The following LIPN variants were observed in gnomAD, a reference collection of about 807,000 sequenced individuals.
The protein encoded by LIPN is lipase member N.
In LIPN, 32 loss-of-function variants were observed where a neutral mutation model predicts 43.7. That is an observed-to-expected ratio of 0.73 (90% CI 0.55 to 0.98). The LOEUF (loss-of-function observed/expected upper bound fraction) is 0.98, where lower values mean the gene tolerates loss of function less well. LIPN is among the 50% of genes least tolerant of loss of function. The pLI is 0.00. For missense variants in LIPN, 505 were observed against 483.8 expected (o/e 1.04, Z -0.41); for synonymous variants, 156 against 157.6 (o/e 0.99, Z 0.08).
Position 88,762,279 on chromosome 10 carries a change from A to G in LIPN, c.200A>G (p.Tyr67Cys). The change falls in exon 3 of 10, where the codon TAT (tyrosine) becomes TGT (cysteine). Residue 67 changes from tyrosine (Y) to cysteine (C), a missense_variant. By Grantham distance (194) the Tyr-to-Cys change is radical (BLOSUM62 -2). Coordinates refer to ENST00000404459, the MANE Select transcript of LIPN (RefSeq NM_001102469.2). The part of the protein sequence containing the change: ...GYILLVNRIP[Y>C]GRTHARSTGP... ...ATACTCCTTGTCAACAGAATTCCTT[A>G]TGGGCGAACACATGCTAGGAGCACA... is the stretch of plus-strand genomic sequence containing the variant. The G allele has an allele frequency of 5.0e-6, 8 of 1,606,932 alleles. No individual in the cohort carries two copies. Among genetic ancestry groups the G allele is most frequent in the Non-Finnish European group, 6.0e-6 (7 of 1,175,982 alleles).
rs1446868006 is a variant in LIPN at position 88,762,246 on chromosome 10, A to T, written c.167A>T (p.Asp56Val). ...GAAGAGTATGAAGTCACCACTGAAG[A>T]TGGGTATATACTCCTTGTCAACAGA... ...PSEEYEVTTE[D>V]GYILLVNRIP... is the part of the protein sequence containing the mutation. Residue 56 changes from aspartate to valine, a missense_variant, in exon 3 of 10, where the codon GAT becomes GTT. Coordinates refer to ENST00000404459, the MANE Select transcript of LIPN (RefSeq NM_001102469.2). The T allele has an allele frequency of 6.2e-7, 1 of 1,609,938 alleles. No homozygotes were observed. The highest frequency in any genetic ancestry group is 1.3e-5 in the African/African-American group (1 of 74,918).
chr10:88,775,237 A>G, intron 9 of LIPN, 74 bp downstream of exon 9: 1 of 1,025,386 alleles, frequency 9.8e-7, no homozygotes, highest in Non-Finnish European at 1.4e-6. Context: ...GGGTGGAAAG[A>G]CTCCTACCTG....
chr10:88,764,706 T>C, intron 4 of LIPN, 98 bp downstream of exon 4: 1 of 818,728 alleles, frequency 1.2e-6, no homozygotes, highest in Non-Finnish European at 1.8e-6. Flanking sequence ...CTTGAAGTCA[T>C]ATAGCTCCTT....
chr10:88,775,894 G>A (rs1308377476), intron 9 of LIPN, among the ~76,000 whole-genome samples: 1 of 151,916 alleles, frequency 6.6e-6, no homozygotes, highest in Admixed American at 6.6e-5. Flanking sequence ...TTGTTTCTGA[G>A]GATCAAAACA....
chr10:88,776,434 T>C (rs1267137281), intron 9 of LIPN, among the ~76,000 whole-genome samples: 2 of 152,082 alleles, frequency 1.3e-5, no homozygotes, highest in Admixed American at 6.6e-5. Flanking sequence ...ATCATTATGG[T>C]CAAGTACTAA....
chr10:88,762,164 A>G, intron 2 of LIPN, 24 bp from the exon 3 acceptor site: 1 of 1,264,966 alleles, frequency 7.9e-7, no homozygotes, highest in Non-Finnish European at 1.1e-6. Flanking sequence ...AAGTTCCACT[A>G]ACGACTGTAT....
At chr10:88,763,112 T>C (rs542459655) in intron 3 of LIPN, among the ~76,000 whole-genome samples, 16 of 152,152 alleles carry the variant, frequency 1.1e-4, no homozygotes, top group South Asian at 4.2e-4. Context: ...CCCTCTTTTA[T>C]CTCCAGTTTC....
chr10:88,761,779 T>C (rs12268129), intron 2 of LIPN, among the ~76,000 whole-genome samples: 2,631 of 145,000 alleles, frequency 0.018, 41 homozygotes, highest in Middle Eastern at 0.049. Flanking sequence ...ATCTATCTAT[T>C]TATCTATCTA....
intron 6 of LIPN, chr10:88,769,526 T>TC: frequency 2.1e-6 from 2 of 957,608 alleles, no homozygotes; most frequent in Non-Finnish European, 2.5e-6. Context: ...TTTTTTTTTT[T>TC]TCTCTTTGCT....
upstream of LIPN, among the ~76,000 whole-genome samples, chr10:88,759,215 T>G (rs962636): frequency 0.54 from 82,723 of 151,986 alleles, 23,202 homozygotes; most frequent in African/African-American, 0.67. Context: ...AATATCATTT[T>G]TTTTGAAAGG....
chr10:88,776,221 G>GA (rs563153675), intron 9 of LIPN, among the ~76,000 whole-genome samples: 38 of 148,022 alleles, frequency 2.6e-4, no homozygotes, highest in African/African-American at 5.7e-4. Flanking sequence ...AAAAGGTCTA[G>GA]AAAAAAAAAC....
At chr10:88,763,087 T>C (rs1341227147) in intron 3 of LIPN, among the ~76,000 whole-genome samples, 1 of 152,086 alleles carries the variant, frequency 6.6e-6, no homozygotes, top group African/African-American at 2.4e-5. Context: ...GCTGAGGTCA[T>C]GTTTGACATT....
At chr10:88,773,571 T>C (rs905939425) in intron 7 of LIPN, among the ~76,000 whole-genome samples, 1 of 151,768 alleles carries the variant, frequency 6.6e-6, no homozygotes, top group South Asian at 2.1e-4. Context: ...CTCTTCATTT[T>C]CTGTTATTGA....
intron 5 of LIPN, among the ~76,000 whole-genome samples, chr10:88,768,061 C>CAT (rs1332641820): frequency 8.7e-6 from 1 of 115,124 alleles, no homozygotes; most frequent in Non-Finnish European, 1.9e-5. Flanking sequence ...CACACACACA[C>CAT]ATGCCAGTGG....
intron 9 of LIPN, among the ~76,000 whole-genome samples, chr10:88,775,511 G>A (rs1387379314): frequency 6.6e-6 from 1 of 151,484 alleles, no homozygotes; most frequent in East Asian, 1.9e-4. Flanking sequence ...TATAACTGAG[G>A]GATTTTTAAA....
intron 3 of LIPN, 119 bp from the exon 4 acceptor site, chr10:88,764,291 G>C (rs925226119): frequency 1.1e-5 from 8 of 704,466 alleles, no homozygotes; most frequent in Non-Finnish European, 1.9e-5. Flanking sequence ...TTTACCATGT[G>C]TGTATGTGTG....
In LIPN at chr10:88,774,357, C is replaced by T. The variant is rs1035003830; in HGVS notation, c.820-116C>T. On this transcript the variant is annotated intron_variant, in intron 7 of 9. Coordinates refer to ENST00000404459, the MANE Select transcript of LIPN (RefSeq NM_001102469.2). ...GGTATATTTATCTAGATAATTCTAC[C>T]TTGTTATTTTCAAAGCCCCAGTCTT... is the stretch of plus-strand genomic sequence containing the variant. 10 of 639,242 alleles carry T rather than the reference C, an allele frequency of 1.6e-5. No individual in the cohort carries two copies. In the African/African-American group the frequency reaches 1.8e-4, roughly 12 times the overall value. The allele number at this position is 639,242 out of a possible 1,614,324, so 39.6% of individuals were successfully genotyped here. A position where few individuals can be genotyped will look rare whatever the true frequency, so the allele number is the denominator to read the frequency against.
rs1843057390 is a variant in LIPN at position 88,764,512 on chromosome 10, C to T, written c.329C>T (p.Ala110Val). 6.2e-7 allele frequency: 1 copy of T among 1,612,078 alleles called. No individual in the cohort carries two copies. The highest frequency in any genetic ancestry group is 8.5e-7 in the Non-Finnish European group (1 of 1,178,828). Residue 110 changes from alanine (A) to valine (V), a missense_variant, in exon 4 of 10, where the codon GCA (alanine) becomes GTA (valine). By Grantham distance (64) the Ala-to-Val change is moderately conservative (BLOSUM62 0). Transcript: ENST00000404459. ...AGCCTTGGATTCCTTCTAGCAGATG[C>T]AGGTTATGATGTATGGATGGGAAAC... Reference protein sequence around the residue: ...NGSLGFLLADAGYDVWMGNSR... With the variant: ...NGSLGFLLADVGYDVWMGNSR...
chr10:88,771,074 G>A, intron 7 of LIPN, 83 bp downstream of exon 7: 1 of 1,182,556 alleles, frequency 8.5e-7, no homozygotes, highest in Admixed American at 2.7e-5. Context: ...TCTATTTACT[G>A]TATAAATTCA....
Sources: gnomAD v4.1 joint callset for allele counts (sites outside exome capture counted in the v4.1 genomes callset) on GRCh38, gnomAD v4.1.1 for gene constraint, MANE v1.5 for transcripts, NCBI Gene and HGNC (gene_info 2026-07-23, HGNC 2026-07-21) for gene names.